Variants in SVEP1 observed in about 807,000 individuals in gnomAD.
The protein encoded by SVEP1 is sushi, von Willebrand factor type A, EGF and pentraxin domain containing 1, also known as sushi, von Willebrand factor type A, EGF and pentraxin domain-containing protein 1.
SVEP1 carries 164 observed loss-of-function variants against 367.3 expected under a neutral mutation model. That is an observed-to-expected ratio of 0.45 (90% CI 0.39 to 0.51). The LOEUF is 0.51. SVEP1 is among the 20% of genes least tolerant of loss of function. The pLI is 0.00. For missense variants in SVEP1, 4,117 were observed against 4,425.3 expected (o/e 0.93, Z 1.98); for synonymous variants, 1,666 against 1,611.6 (o/e 1.03, Z -0.81).
intron 36 of SVEP1, among the ~76,000 whole-genome samples, chr9:110,415,887 T>C (rs961560143): frequency 6.6e-6 from 1 of 151,996 alleles, no homozygotes; most frequent in African/African-American, 2.4e-5. Flanking sequence ...GTCGAGAGGA[T>C]AGAAAATATA....
chr9:110,545,710 C>G (rs975737251), intron 3 of SVEP1, among the ~76,000 whole-genome samples: 5 of 152,156 alleles, frequency 3.3e-5, no homozygotes, highest in Admixed American at 2.0e-4. Context: ...GACCCCAAAT[C>G]TTTCTCCTCC....
At chr9:110,391,125 G>A (rs1006358045) in intron 40 of SVEP1, among the ~76,000 whole-genome samples, 3 of 152,018 alleles carry the variant, frequency 2.0e-5, no homozygotes, top group Admixed American at 6.5e-5. Flanking sequence ...ATTTCCAATT[G>A]TTGCATAAAT....
chr9:110,512,895 A>G (rs748815971), intron 5 of SVEP1, 31 bp downstream of exon 5: 1 of 1,613,138 alleles, frequency 6.2e-7, no homozygotes, highest in African/African-American at 1.3e-5. Context: ...CAAGACAGTA[A>G]ATAAACAATG....
intron 1 of SVEP1, among the ~76,000 whole-genome samples, chr9:110,554,750 GTGTA>G (rs1554723147): frequency 4.0e-5 from 6 of 151,872 alleles, no homozygotes; most frequent in Non-Finnish European, 8.8e-5. Flanking sequence ...GTGTGTGTGT[GTGTA>G]TGTATGTATT....
Position 110,432,456 on chromosome 9 carries a change from T to A in SVEP1, c.5233+6A>T, listed in dbSNP as rs1339443642. 3.1e-6 allele frequency: 5 copies of A among 1,607,078 alleles called. No homozygotes were observed. The African/African-American group carries it at 6.7e-5, about 22-fold the overall frequency. On this transcript the variant is annotated splice_donor_region_variant and intron_variant, in intron 31 of 47. Transcript: ENST00000374469. ...CTCATATAGTAGTTGCCAACATTTA[T>A]CTCACCAAGGCAGGATGGTGAAACG...
Position 110,455,582 on chromosome 9 carries a change from C to T in SVEP1, c.3787+8G>A, listed in dbSNP as rs780645164. ...TATATTGTTGAAAACAGGAGACCTT[C>T]CCCTTACCTGTGTAACCTGATGGGC... On this transcript the variant is annotated splice_region_variant and intron_variant, in intron 22 of 47. Coordinates refer to ENST00000374469, the MANE Select transcript of SVEP1 (RefSeq NM_153366.4). 7 of 1,602,332 alleles carry T rather than the reference C, an allele frequency of 4.4e-6. No individual in the cohort carries two copies. In the East Asian group the frequency reaches 1.1e-4, roughly 26 times the overall value.
At position 110,369,907 on chromosome 9, in the gene SVEP1, T is replaced by G. The variant is rs372599547; in HGVS notation, c.10694+16A>C. ...TCTTCATGTTATAGGCGAACATTAG[T>G]TTTTGGTTATCTTACCTGGAACAGT... is the stretch of plus-strand genomic sequence containing the variant. On this transcript the variant is annotated intron_variant, in intron 47 of 47. Coordinates refer to ENST00000374469, the MANE Select transcript of SVEP1 (RefSeq NM_153366.4). 4 of 1,605,528 alleles carry G rather than the reference T, an allele frequency of 2.5e-6. No homozygotes were observed. Among genetic ancestry groups the G allele is most frequent in the Admixed American group, 1.7e-5 (1 of 59,014 alleles).
chr9:110,416,721 A>AT, intron 36 of SVEP1, among the ~76,000 whole-genome samples: 1 of 152,236 alleles, frequency 6.6e-6, no homozygotes, highest in Admixed American at 6.5e-5. Flanking sequence ...ATAGCAAAAC[A>AT]CTAAAACAAC....
chr9:110,578,975 G>A (rs1564181850), intron 1 of SVEP1, 38 bp downstream of exon 1: 2 of 1,540,884 alleles, frequency 1.3e-6, no homozygotes, highest in Non-Finnish European at 1.7e-6. Context: ...GAAGGGCCCG[G>A]GGACTAGGGC....
intron 1 of SVEP1, among the ~76,000 whole-genome samples, chr9:110,551,947 T>G (rs1224005343): frequency 2.0e-5 from 3 of 151,634 alleles, no homozygotes; most frequent in Non-Finnish European, 4.4e-5. Flanking sequence ...TCCATCTGGA[T>G]ATCTGGGATG....
chr9:110,482,528 T>C (rs1424949654), intron 10 of SVEP1, 36 bp from the exon 11 acceptor site: 1 of 1,548,406 alleles, frequency 6.5e-7, no homozygotes, highest in East Asian at 2.4e-5. Flanking sequence ...TTTTGGGTTG[T>C]ATTCACAATA....
chr9:110,429,064 G>A, intron 35 of SVEP1, 79 bp downstream of exon 35: 1 of 1,237,206 alleles, frequency 8.1e-7, no homozygotes, highest in Non-Finnish European at 1.1e-6. Flanking sequence ...GTGAGACCAT[G>A]TCTCAAAAAA....
intron 5 of SVEP1, 86 bp downstream of exon 5, chr9:110,512,840 T>C (rs927672709): frequency 1.3e-6 from 2 of 1,492,336 alleles, no homozygotes; most frequent in African/African-American, 1.4e-5. Context: ...CAAAAAGAAA[T>C]GAAGAACTGA....
chr9:110,406,514 C>A lies in SVEP1; in HGVS notation c.9086G>T (p.Arg3029Leu), dbSNP rs754622811. 6.2e-7 allele frequency: 1 copy of A among 1,613,534 alleles called. No individual in the cohort carries two copies. The highest frequency in any genetic ancestry group is 1.3e-5 in the African/African-American group (1 of 74,916). ...GTDFDCGKAA[R>L]IQCFKGFKLL... ...CTTGAAGCCTTTGAAGCACTGAATC[C>A]GGGCTGCCTTTCCACAGTCAAAATC... The change falls in exon 38 of 48, where the codon CGG becomes CTG. Residue 3029 changes from arginine (R) to leucine (L), a missense_variant. Arg to Leu is a moderately radical substitution (Grantham distance 102). Transcript: ENST00000374469.
intron 13 of SVEP1, 60 bp from the exon 14 acceptor site, chr9:110,476,375 A>T: frequency 1.5e-6 from 2 of 1,306,740 alleles, no homozygotes. Context: ...CCTTGGATAA[A>T]CACTTTGCTC....
chr9:110,396,797 T>C (rs1022865911), intron 40 of SVEP1, among the ~76,000 whole-genome samples: 1 of 152,042 alleles, frequency 6.6e-6, no homozygotes, highest in African/African-American at 2.4e-5. Flanking sequence ...AACCAGGAAG[T>C]AGTTGAATCT....
Position 110,408,476 on chromosome 9 carries a change from A to T in SVEP1, c.7124T>A (p.Val2375Asp), listed in dbSNP as rs572238900. ...PSQQWNDSFP[V>D]CKIVLCTPPP... Reference sequence around the variant, plus strand: ...TGGGGTACAAAGAACAATCTTACAAACAGGGAAAGAGTCATTCCATTGCTG... The same window carrying T: ...TGGGGTACAAAGAACAATCTTACAATCAGGGAAAGAGTCATTCCATTGCTG... Residue 2375 changes from valine (V) to aspartate (D), a missense_variant, in exon 38 of 48, where the codon GTT (valine) becomes GAT (aspartate). Val to Asp is a radical substitution (Grantham distance 152). Around this residue, in one of 4 missense-constraint regions of SVEP1, gnomAD observed 1,765 missense variants for 1,781.1 expected, o/e 0.99. Transcript: ENST00000374469. 1 of 1,613,990 alleles carries T rather than the reference A, an allele frequency of 6.2e-7. No individual in the cohort carries two copies. Among genetic ancestry groups the T allele is most frequent in the South Asian group, 1.1e-5 (1 of 91,072 alleles).
chr9:110,399,303 C>A lies in SVEP1; in HGVS notation c.9822+1551G>T, dbSNP rs1236062526. 5.4e-5 allele frequency among the ~76,000 whole-genome samples: 8 copies of A among 149,170 alleles called. No homozygotes were observed. In the Admixed American group the frequency reaches 5.4e-4, roughly 10 times the overall value. On this transcript the variant is annotated intron_variant, in intron 40 of 47. Coordinates refer to ENST00000374469, the MANE Select transcript of SVEP1 (RefSeq NM_153366.4). ...AGGTGAGAATTGAACAATGAGAACA[C>A]ATGGACACAGGAAGGGGAACATCAC...
At chr9:110,448,129 A>ATGTGTGTGTGTGTGTGTGTGTGCGTG (rs143871165) in intron 24 of SVEP1, among the ~76,000 whole-genome samples, 2 of 142,864 alleles carry the variant, frequency 1.4e-5, no homozygotes, top group East Asian at 2.0e-4. Flanking sequence ...AAGAAAGTGA[A>ATGTGTGTGTGTGTGTGTGTGTGCGTG]TGTGTGTGTG....
Sources: allele counts gnomAD v4.1 joint callset (sites outside exome capture counted in the v4.1 genomes callset), GRCh38; gene constraint gnomAD v4.1.1; regional missense constraint gnomAD v4.1.1; transcripts MANE v1.5; gene names NCBI Gene and HGNC (gene_info 2026-07-23, HGNC 2026-07-21).